The following MEFV variants were observed in gnomAD, a reference collection of about 807,000 sequenced individuals.
MEFV encodes MEFV innate immunity regulator, pyrin.
A neutral mutation model predicts 62.5 loss-of-function variants in MEFV; 60 were observed. That is an observed-to-expected ratio of 0.96 (90% CI 0.78 to 1.19). The LOEUF (loss-of-function observed/expected upper bound fraction) is 1.19, where lower values mean the gene tolerates loss of function less well. Among genes scored for constraint, MEFV ranks in the 50% most tolerant of loss-of-function variants. The pLI, the probability that MEFV is intolerant of heterozygous loss-of-function variation, is 0.00. For missense variants in MEFV, 1,169 were observed against 1,004.5 expected, an observed-to-expected ratio of 1.16 and a Z score of -2.21; for synonymous variants, 500 against 415.2, an observed-to-expected ratio of 1.20 and a Z score of -2.48.
rs917380612 is a variant in MEFV, at chr16:3,242,792, A to C, written c.*349T>G. 8.7e-5 allele frequency: 33 copies of C among 378,424 alleles called. No individual in the cohort carries two copies. Among genetic ancestry groups the C allele is most frequent in the Non-Finnish European group, 1.6e-4 (31 of 198,114 alleles). 23.4% of individuals were successfully genotyped at this position (378,424 alleles called of 1,614,324 possible). On this transcript the variant is annotated 3_prime_UTR_variant, in exon 10 of 10. Transcript: ENST00000219596. ...TCCTCAAGACAGAAGCAGAGAGAAC[A>C]AGGGGACATATATCCTTGCCGTGGG...
rs1959114401 is a variant in MEFV, at chr16:3,256,333, C to T, written c.255G>A (p.Glu85=). 6.2e-7 allele frequency: 1 copy of T among 1,613,906 alleles called. No homozygotes were observed. The highest frequency in any genetic ancestry group is 8.5e-7 in the Non-Finnish European group (1 of 1,180,002). The change falls in exon 1 of 10, where the codon GAG becomes GAA. Residue 85 remains glutamate, a synonymous_variant. Transcript: ENST00000219596. The part of the protein sequence containing the change: ...RAINQRLLAE[E]LHRAAIQEYS... ...TACCCTGAATGGCTGCCCTGTGGAG[C>T]TCCTCGGCCAGCAGGCGCTGGTTGA...
Position 3,251,976 on chromosome 16 carries a change from G to A in MEFV, c.910+2182C>T, listed in dbSNP as rs144550142. 2.4e-3 allele frequency: 1,021 copies of A among 431,526 alleles called. 15 individuals are homozygous for A. Among genetic ancestry groups the A allele is most frequent in the East Asian group, 0.015 (209 of 13,608 alleles). 26.7% of individuals were successfully genotyped at this position (431,526 alleles called of 1,614,324 possible). A position where few individuals can be genotyped will look rare whatever the true frequency, so the allele number is the denominator to read the frequency against. ...GCACACCTGTAATCCCAGCAGTTTC[G>A]GAGGCAAAGATGGGAGGATTGTTTG... is the stretch of plus-strand genomic sequence containing the variant. On this transcript the variant is annotated intron_variant, in intron 2 of 9. Coordinates refer to ENST00000219596, the MANE Select transcript of MEFV (RefSeq NM_000243.3).
Position 3,254,306 on chromosome 16 carries a change from G to C in MEFV, c.762C>G (p.Pro254=), listed in dbSNP as rs61300437. ...EVTISTGEKA[P]ANPEILLTLE... is the part of the protein sequence containing the mutation. The stretch of plus-strand genomic sequence containing the variant: ...GAGTCAGGAGAATTTCTGGATTTGC[G>C]GGCGCCTTCTCCCCTGTAGAAATGG... The change falls in exon 2 of 10, where the codon CCC becomes CCG. Residue 254 remains proline (P), a synonymous_variant. Coordinates refer to ENST00000219596, the MANE Select transcript of MEFV (RefSeq NM_000243.3). The C allele has an allele frequency of 6.2e-7, 1 of 1,614,228 alleles. No individual in the cohort carries two copies. Among genetic ancestry groups the C allele is most frequent in the Non-Finnish European group, 8.5e-7 (1 of 1,180,044 alleles).
chr16:3,244,153 G>T (rs1958903900), intron 8 of MEFV, 101 bp downstream of exon 8: 1 of 1,539,978 alleles, frequency 6.5e-7, no homozygotes, highest in Non-Finnish European at 8.7e-7. Flanking sequence ...CCAGGTGTTT[G>T]GTTTTTTTTT....
At chr16:3,246,300 C>T (rs985828654) in intron 6 of MEFV, 2 of 591,662 alleles carry the variant, frequency 3.4e-6, no homozygotes, top group African/African-American at 1.9e-5. Flanking sequence ...GCTGAATTCA[C>T]CCTTCCCAGT....
At chr16:3,243,929 G>A in intron 8 of MEFV, 37 bp from the exon 9 acceptor site, 1 of 1,612,536 alleles carries the variant, frequency 6.2e-7, no homozygotes, top group East Asian at 2.2e-5. Flanking sequence ...AAAATCCTGA[G>A]CATTAGCATT....
chr16:3,244,436 G>A lies in MEFV; in HGVS notation c.1726+37C>T, dbSNP rs1255044091. On this transcript the variant is annotated intron_variant, in intron 7 of 9. Transcript: ENST00000219596. ...GCTATGTGGATCTTAGGGAGGAAGTGAGCATGCACCTCCAATCTTCTCCCA... is the reference window on the plus strand; with the variant it reads ...GCTATGTGGATCTTAGGGAGGAAGTAAGCATGCACCTCCAATCTTCTCCCA... 5 of 1,598,242 alleles carry A rather than the reference G, an allele frequency of 3.1e-6. No homozygotes were observed. The South Asian group carries it at 3.3e-5, about 11-fold the overall frequency.
In MEFV at chr16:3,254,760, T is replaced by A. The variant is rs1252082777; in HGVS notation, c.308A>T (p.Asp103Val). ...CCCCAGGGAGCTGGACGCTGCGGAA[T>A]CATCTGTGCCGTTTTCTTGTGTGGA... ...EYSTQENGTD[D>V]SAASSSLGEN... Residue 103 changes from aspartate to valine, a missense_variant, in exon 2 of 10, where the codon GAT becomes GTT. Transcript: ENST00000219596. The A allele has an allele frequency of 6.2e-7, 1 of 1,612,726 alleles. No individual in the cohort carries two copies. The highest frequency in any genetic ancestry group is 1.1e-5 in the South Asian group (1 of 91,088).
rs757748589 is a variant in MEFV, at chr16:3,254,422, G to T, written c.646C>A (p.Leu216Met). Reference sequence around the variant, plus strand: ...TTCTGCCCCGGGGCGCCCCCCGCCAGCCCCTGCAGCCTCCCCGCGGAGCTG... The same window carrying T: ...TTCTGCCCCGGGGCGCCCCCCGCCATCCCCTGCAGCCTCCCCGCGGAGCTG... ...NASSAGRLQG[L>M]AGGAPGQKEC... The change falls in exon 2 of 10, where the codon CTG becomes ATG. Residue 216 changes from leucine to methionine, a missense_variant. Transcript: ENST00000219596. 2 of 1,612,532 alleles carry T rather than the reference G, an allele frequency of 1.2e-6. No individual in the cohort carries two copies. The highest frequency in any genetic ancestry group is 4.5e-5 in the East Asian group (2 of 44,868).
rs1447592803 is a variant in MEFV, at chr16:3,244,508, G to A, written c.1691C>T (p.Ser564Leu). 7 of 1,614,146 alleles carry A rather than the reference G, an allele frequency of 4.3e-6. No individual in the cohort carries two copies. In the East Asian group the frequency reaches 1.6e-4, roughly 36 times the overall value. The change falls in exon 7 of 10, where the codon TCA becomes TTA. Residue 564 changes from serine to leucine, a missense_variant. Physicochemically the swap from Ser to Leu is moderately radical, Grantham distance 145. Coordinates refer to ENST00000219596, the MANE Select transcript of MEFV (RefSeq NM_000243.3). ...KQKIQLLHQK[S>L]EFVEKSTKYF... ...CTTTGTGCTCTTCTCCACAAACTCTGACTTCTGGTGGAGGAGTTGGATCTT... is the reference window on the plus strand; with the variant it reads ...CTTTGTGCTCTTCTCCACAAACTCTAACTTCTGGTGGAGGAGTTGGATCTT...
chr16:3,245,948 T>C (rs147172681), intron 6 of MEFV, among the ~76,000 whole-genome samples: 1 of 152,202 alleles, frequency 6.6e-6, no homozygotes, highest in East Asian at 1.9e-4. Context: ...ATAAGCAAAA[T>C]GTATGAACAC....
At chr16:3,244,623 G>C (rs1236224129) in intron 6 of MEFV, 35 bp from the exon 7 acceptor site, 2 of 1,541,276 alleles carry the variant, frequency 1.3e-6, no homozygotes, top group Non-Finnish European at 1.8e-6. Context: ...GAGAAGGCCG[G>C]AGCGAGGGGG....
chr16:3,250,822 A>AGG (rs1555459040), intron 2 of MEFV, among the ~76,000 whole-genome samples: 4 of 151,216 alleles, frequency 2.6e-5, no homozygotes, highest in Non-Finnish European at 4.4e-5. Flanking sequence ...TCAGGAGTTC[A>AGG]AGACCAGCCT....
intron 2 of MEFV, among the ~76,000 whole-genome samples, chr16:3,253,684 T>C (rs1959070614): frequency 6.6e-6 from 1 of 152,016 alleles, no homozygotes; most frequent in Non-Finnish European, 1.5e-5. Context: ...CAGCTAATTT[T>C]TTTTTTAGTT....
chr16:3,251,928 C>T, intron 2 of MEFV: 1 of 324,294 alleles, frequency 3.1e-6, no homozygotes, highest in Non-Finnish European at 6.4e-6. Flanking sequence ...GATATAAATA[C>T]AGTGGGGACC....
intron 6 of MEFV, among the ~76,000 whole-genome samples, chr16:3,244,844 TG>T (rs1187851682): frequency 3.3e-5 from 5 of 152,186 alleles, no homozygotes; most frequent in Admixed American, 3.3e-4. Context: ...AAAATGACAT[TG>T]ATATTATCTA....
intron 4 of MEFV, chr16:3,247,824 C>A (rs1958965866): frequency 6.5e-6 from 1 of 153,932 alleles, no homozygotes; most frequent in South Asian, 2.0e-4. Context: ...GTCCCAGCAA[C>A]TCGGGAGGCT....
chr16:3,249,693 CT>C lies in MEFV; in HGVS notation c.997del (p.Ser333AlafsTer35). Reference sequence around the variant, plus strand: ...GTGCCCAGAAACTGCCTCGGGGAAGCTGCAGGAATCACGCACACAGGTACCG... The same window carrying C: ...GTGCCCAGAAACTGCCTCGGGGAAGCGCAGGAATCACGCACACAGGTACCG... The part of the protein sequence containing the change: ...VDGTCVRDSC[S>X]FPEAVSGHPQ... On this transcript the variant is annotated frameshift_variant, in exon 3 of 10. Coordinates refer to ENST00000219596, the MANE Select transcript of MEFV (RefSeq NM_000243.3). LOFTEE classifies it high-confidence loss of function. The C allele has an allele frequency of 6.2e-7, 1 of 1,613,362 alleles. No homozygotes were observed. Among genetic ancestry groups the C allele is most frequent in the Non-Finnish European group, 8.5e-7 (1 of 1,179,484 alleles).
At chr16:3,252,050 CT>C (rs1959042024) in intron 2 of MEFV, 2 of 261,086 alleles carry the variant, frequency 7.7e-6, no homozygotes, top group African/African-American at 3.6e-5. Context: ...GACCCCATAT[CT>C]AAAAAAAAAA....
Sources: gnomAD v4.1 joint callset for allele counts (sites outside exome capture counted in the v4.1 genomes callset) on GRCh38, gnomAD v4.1.1 for gene constraint, MANE v1.5 for transcripts, NCBI Gene and HGNC (gene_info 2026-07-23, HGNC 2026-07-21) for gene names.